NLRC4: variants seen among roughly 807,000 people sequenced by gnomAD.
NLRC4 encodes NLR family CARD domain containing 4, also known as NLR family CARD domain-containing protein 4.
NLRC4 carries 63 observed loss-of-function variants against 79.9 expected under a neutral mutation model. The ratio of observed to expected loss-of-function variants is 0.79; its 90% confidence interval spans 0.64 to 0.97. The LOEUF (loss-of-function observed/expected upper bound fraction) is 0.97, where lower values mean the gene tolerates loss of function less well. NLRC4 is among the 50% of genes least tolerant of loss of function. NLRC4 has a pLI of 0.00. For missense variants in NLRC4, 1,074 were observed against 1,215.2 expected, an observed-to-expected ratio of 0.88 and a Z score of 1.73; for synonymous variants, 461 against 456.5, an observed-to-expected ratio of 1.01 and a Z score of -0.12.
intron 8 of NLRC4, among the ~76,000 whole-genome samples, chr2:32,231,573 G>GCC (rs560410569): frequency 0.01 from 284 of 28,032 alleles, 1 homozygote; most frequent in Non-Finnish European, 0.016. Flanking sequence ...ATTTTTTTTT[G>GCC]TGGGGGGGGG....
At chr2:32,257,810 C>T (rs1485476908) in intron 1 of NLRC4, among the ~76,000 whole-genome samples, 3 of 151,938 alleles carry the variant, frequency 2.0e-5, no homozygotes, top group Non-Finnish European at 4.4e-5. Context: ...CTGCTCAGAC[C>T]TCTAGGGGAT....
At chr2:32,226,810 G>T (rs1477865119) in intron 8 of NLRC4, among the ~76,000 whole-genome samples, 2 of 152,000 alleles carry the variant, frequency 1.3e-5, no homozygotes, top group African/African-American at 4.8e-5. Context: ...AACCCAGGAG[G>T]CAGAGGTTGC....
intron 4 of NLRC4, among the ~76,000 whole-genome samples, chr2:32,249,016 G>A (rs1687003205): frequency 6.6e-6 from 1 of 152,176 alleles, no homozygotes; most frequent in South Asian, 2.1e-4. Flanking sequence ...ACCACAGACT[G>A]GTTCTGGCTG....
chr2:32,246,194 TAATTA>T (rs1357996483), intron 4 of NLRC4, among the ~76,000 whole-genome samples: 1 of 152,010 alleles, frequency 6.6e-6, no homozygotes, highest in Admixed American at 6.6e-5. Context: ...AAAAAAATAA[TAATTA>T]AATAAAGTAA....
chr2:32,256,783 G>A lies in NLRC4; in HGVS notation c.-8C>T. The A allele has an allele frequency of 3.8e-6, 3 of 780,862 alleles. No individual in the cohort carries two copies. The highest frequency in any genetic ancestry group is 7.2e-6 in the Non-Finnish European group (3 of 418,038). The allele number at this position is 780,862 out of a possible 1,614,324, so 48.4% of individuals were successfully genotyped here. A position where few individuals can be genotyped will look rare whatever the true frequency, so the allele number is the denominator to read the frequency against. ...ATTTCTCATATACTTACTTGTTCTG[G>A]ATGAAAGCTTCCCACCTTTCTATAA... On this transcript the variant is annotated 5_prime_UTR_variant, in exon 2 of 9. Coordinates refer to ENST00000402280, the MANE Select transcript of NLRC4 (RefSeq NM_001199138.2).
chr2:32,242,867 C>T (rs1053833465), intron 4 of NLRC4, among the ~76,000 whole-genome samples: 3 of 151,624 alleles, frequency 2.0e-5, no homozygotes, highest in Admixed American at 1.3e-4. Context: ...GGCAATATAT[C>T]CAGACCCTAT....
intron 6 of NLRC4, among the ~76,000 whole-genome samples, chr2:32,237,918 A>T (rs1686709185): frequency 6.6e-6 from 1 of 152,240 alleles, no homozygotes; most frequent in South Asian, 2.1e-4. Flanking sequence ...ATCTTCAATT[A>T]TTCTGAAATT....
intron 2 of NLRC4, among the ~76,000 whole-genome samples, chr2:32,254,520 CTA>C (rs1253589225): frequency 1.3e-5 from 2 of 151,542 alleles, no homozygotes; most frequent in Non-Finnish European, 1.5e-5. Flanking sequence ...TGTACCCACG[CTA>C]TGTTTGTGAC....
chr2:32,233,382 A>G (rs888148779), intron 8 of NLRC4, among the ~76,000 whole-genome samples: 17 of 129,366 alleles, frequency 1.3e-4, no homozygotes, highest in African/African-American at 4.5e-4. Flanking sequence ...TGTAGAGACG[A>G]CATGTTACCA....
At chr2:32,239,940 G>T (rs1236664098) in intron 5 of NLRC4, among the ~76,000 whole-genome samples, 4 of 152,044 alleles carry the variant, frequency 2.6e-5, no homozygotes, top group Admixed American at 2.6e-4. Flanking sequence ...TTATTCTCAC[G>T]TAGGACATAT....
intron 6 of NLRC4, among the ~76,000 whole-genome samples, chr2:32,237,114 A>AG (rs1310718118): frequency 5.9e-5 from 9 of 152,330 alleles, no homozygotes; most frequent in Non-Finnish European, 1.3e-4. Flanking sequence ...AGTCTAGCTA[A>AG]GAATTGCTTA....
At chr2:32,247,150 C>G (rs1488618567) in intron 4 of NLRC4, among the ~76,000 whole-genome samples, 1 of 152,140 alleles carries the variant, frequency 6.6e-6, no homozygotes, top group Non-Finnish European at 1.5e-5. Flanking sequence ...TAGCTCCTAG[C>G]TCCTGCAGGT....
chr2:32,228,337 A>G (rs550576003), intron 8 of NLRC4, among the ~76,000 whole-genome samples: 1 of 152,222 alleles, frequency 6.6e-6, no homozygotes, highest in East Asian at 1.9e-4. Context: ...CCCCGGGAAA[A>G]GGCCCTACAA....
chr2:32,255,811 G>A (rs1017193276), intron 2 of NLRC4, among the ~76,000 whole-genome samples: 3 of 152,058 alleles, frequency 2.0e-5, no homozygotes, highest in South Asian at 2.1e-4. Flanking sequence ...TCAGGAGATC[G>A]AGATCATCCT....
chr2:32,261,256 C>T (rs1384765107), intron 1 of NLRC4, among the ~76,000 whole-genome samples: 1 of 149,426 alleles, frequency 6.7e-6, no homozygotes, highest in Non-Finnish European at 1.5e-5. Context: ...GTTCCCCTCT[C>T]TCTCTGCAGG....
At chr2:32,236,524 T>C (rs990058155) in intron 6 of NLRC4, among the ~76,000 whole-genome samples, 185 bp from the exon 7 acceptor site, 25 of 152,214 alleles carry the variant, frequency 1.6e-4, no homozygotes, top group African/African-American at 6.0e-4. Context: ...AATCCCATGG[T>C]TATGACCAAA....
chr2:32,264,021 C>T (rs1002151452), intron 1 of NLRC4, among the ~76,000 whole-genome samples: 21 of 152,184 alleles, frequency 1.4e-4, no homozygotes, highest in Admixed American at 5.9e-4. Context: ...ATTTCCTTCA[C>T]TTCTGTCTCC....
intron 8 of NLRC4, among the ~76,000 whole-genome samples, chr2:32,227,453 G>T (rs1686431078): frequency 6.6e-6 from 1 of 151,964 alleles, no homozygotes; most frequent in Non-Finnish European, 1.5e-5. Context: ...TTCTGCCTTT[G>T]CCCCTTCTCC....
intron 1 of NLRC4, among the ~76,000 whole-genome samples, chr2:32,262,631 C>G (rs1482457473): frequency 1.3e-5 from 2 of 152,026 alleles, no homozygotes; most frequent in East Asian, 3.9e-4. Flanking sequence ...AAGAAATTAG[C>G]CAGGCGTGGA....
Sources: gnomAD v4.1 joint callset for allele counts (sites outside exome capture counted in the v4.1 genomes callset) on GRCh38, gnomAD v4.1.1 for gene constraint, MANE v1.5 for transcripts, NCBI Gene and HGNC (gene_info 2026-07-23, HGNC 2026-07-21) for gene names.